Variants in TXNDC12 observed in about 807,000 individuals in gnomAD.
The protein encoded by TXNDC12 is thioredoxin domain-containing protein 12.
A neutral mutation model predicts 24.2 loss-of-function variants in TXNDC12; 22 were observed. The ratio of observed to expected loss-of-function variants is 0.91; its 90% CI spans 0.65 to 1.30. TXNDC12 has a LOEUF of 1.30. Among genes scored for constraint, TXNDC12 ranks in the 50% most tolerant of loss-of-function variants. The probability of loss-of-function intolerance (pLI) is 0.00; values close to 1 mark genes in which losing one functional copy is unlikely to be tolerated. For missense variants in TXNDC12, 184 were observed against 205.8 expected, an observed-to-expected ratio of 0.89 and a Z score of 0.65; for synonymous variants, 58 against 73.4, an observed-to-expected ratio of 0.79 and a Z score of 1.07.
Position 52,023,395 on chromosome 1 carries a change from T to A in TXNDC12, c.439+96A>T, listed in dbSNP as rs1261587234. On this transcript the variant is annotated intron_variant, in intron 6 of 6. Transcript: ENST00000371626. Reference sequence around the variant, plus strand: ...TATAGACATGCAGGAGATGCTCAGCTAACATGCTGAATTTACTTTCCTATC... The same window carrying A: ...TATAGACATGCAGGAGATGCTCAGCAAACATGCTGAATTTACTTTCCTATC... 8.2e-6 allele frequency: 8 copies of A among 971,108 alleles called. No homozygotes were observed. The East Asian group carries it at 2.0e-4, about 24-fold the overall frequency. 60.2% of individuals were successfully genotyped at this position (971,108 alleles called of 1,614,324 possible).
chr1:52,034,013 C>T, intron 2 of TXNDC12: 9 of 1,386,786 alleles, frequency 6.5e-6, no homozygotes, highest in Non-Finnish European at 8.4e-6. Context: ...TGTGATCTTC[C>T]TGCAGCGAAA....
intron 3 of TXNDC12, among the ~76,000 whole-genome samples, chr1:52,028,034 G>C (rs1329721275): frequency 2.0e-5 from 3 of 151,840 alleles, no homozygotes; most frequent in Non-Finnish European, 4.4e-5. Context: ...CACTATGTTG[G>C]GCAGGCTGGT....
intron 2 of TXNDC12, chr1:52,032,988 C>T (rs1283343602): frequency 6.4e-7 from 1 of 1,567,032 alleles, no homozygotes. Context: ...ACTGCGTAGA[C>T]TGATGGGGTG....
chr1:52,025,139 T>C (rs904671665), intron 4 of TXNDC12, among the ~76,000 whole-genome samples: 1 of 152,218 alleles, frequency 6.6e-6, no homozygotes, highest in Non-Finnish European at 1.5e-5. Context: ...CTTTAGTGCA[T>C]GAATCAATAA....
At chr1:52,027,145 G>A (rs1030064238) in intron 4 of TXNDC12, 130 bp downstream of exon 4, 15 of 607,314 alleles carry the variant, frequency 2.5e-5, no homozygotes, top group African/African-American at 1.7e-4. Context: ...TAGTATTAGC[G>A]GTCAAGAGAA....
At chr1:52,027,056 A>T (rs930991381) in intron 4 of TXNDC12, among the ~76,000 whole-genome samples, 4 of 151,976 alleles carry the variant, frequency 2.6e-5, no homozygotes, top group African/African-American at 9.7e-5. Flanking sequence ...AAATTTAGTC[A>T]TCTTATTCAA....
intron 2 of TXNDC12, 44 bp downstream of exon 2, chr1:52,041,491 GAA>G (rs769508513): frequency 2.1e-6 from 3 of 1,401,892 alleles, no homozygotes; most frequent in Admixed American, 1.8e-5. Flanking sequence ...GTTGATAGCT[GAA>G]AAGTGTTTTA....
chr1:52,032,617 G>C (rs1685784125), intron 2 of TXNDC12: 1 of 1,520,050 alleles, frequency 6.6e-7, no homozygotes, highest in Admixed American at 2.3e-5. Context: ...ATATGCTCTG[G>C]AGACCTGCAG....
chr1:52,036,289 A>G (rs1685881849), intron 2 of TXNDC12, among the ~76,000 whole-genome samples: 1 of 152,220 alleles, frequency 6.6e-6, no homozygotes. Flanking sequence ...TAAACTAGAG[A>G]AAAGAAAATG....
At chr1:52,039,333 A>AT (rs35253267) in intron 2 of TXNDC12, among the ~76,000 whole-genome samples, 1,787 of 145,870 alleles carry the variant, frequency 0.012, 48 homozygotes, top group African/African-American at 0.04. Context: ...TAAGAGATTA[A>AT]TTTTTTTTTT....
chr1:52,040,926 G>T (rs1359146002), intron 2 of TXNDC12, among the ~76,000 whole-genome samples: 1 of 152,002 alleles, frequency 6.6e-6, no homozygotes, highest in Non-Finnish European at 1.5e-5. Flanking sequence ...CAGCTACGTG[G>T]GAGGCTGAGG....
chr1:52,048,498 C>G (rs1355105869), intron 1 of TXNDC12, among the ~76,000 whole-genome samples: 1 of 150,002 alleles, frequency 6.7e-6, no homozygotes, highest in Admixed American at 6.6e-5. Context: ...AAAAGCATGC[C>G]TAAAACAGAA....
intron 2 of TXNDC12, chr1:52,032,881 G>A (rs746137002): frequency 6.2e-7 from 1 of 1,613,842 alleles, no homozygotes; most frequent in Non-Finnish European, 8.5e-7. Flanking sequence ...CAAGTCCCCG[G>A]GGACAGCGCT....
intron 2 of TXNDC12, among the ~76,000 whole-genome samples, chr1:52,037,776 G>A (rs557566907): frequency 8.5e-5 from 13 of 152,182 alleles, no homozygotes; most frequent in Non-Finnish European, 5.9e-5. Flanking sequence ...GACAAGGGCA[G>A]TTCTGATGAC....
intron 3 of TXNDC12, among the ~76,000 whole-genome samples, chr1:52,028,320 A>G (rs1402169264): frequency 6.6e-6 from 1 of 152,130 alleles, no homozygotes; most frequent in Non-Finnish European, 1.5e-5. Flanking sequence ...AGCTTCCTCT[A>G]ACATGTATTG....
At chr1:52,028,654 ATAATCTAG>A in intron 2 of TXNDC12, 24 bp from the exon 3 acceptor site, 1 of 1,552,694 alleles carries the variant, frequency 6.4e-7, no homozygotes, top group South Asian at 1.1e-5. Context: ...CAAAGAAATT[ATAATCTAG>A]TAATTCTACT....
At chr1:52,025,820 T>C (rs1330382467) in intron 4 of TXNDC12, among the ~76,000 whole-genome samples, 1 of 151,682 alleles carries the variant, frequency 6.6e-6, no homozygotes, top group African/African-American at 2.4e-5. Context: ...AAGTAAACAT[T>C]ATCTTTTTTT....
chr1:52,024,513 GA>G lies in TXNDC12; in HGVS notation c.351del (p.Leu118TrpfsTer34). On this transcript the variant is annotated frameshift_variant, in exon 5 of 7. Coordinates refer to ENST00000371626, the MANE Select transcript of TXNDC12 (RefSeq NM_015913.4). LOFTEE classifies it high-confidence loss of function. The part of the protein sequence containing the change: ...PDGGYIPRIL[F>X]LDPSGKVHPE... ...AGGTTAAGATCATGTGCCTTACCCA[GA>G]AAAAGGATTCGTGGAATATAACCCC... 2 of 1,612,024 alleles carry G rather than the reference GA, an allele frequency of 1.2e-6. No homozygotes were observed. The highest frequency in any genetic ancestry group is 1.1e-5 in the South Asian group (1 of 90,830).
At chr1:52,033,645 A>G in intron 2 of TXNDC12, 4 of 1,611,598 alleles carry the variant, frequency 2.5e-6, no homozygotes, top group Non-Finnish European at 3.4e-6. Flanking sequence ...CGCCCAGGAC[A>G]GCTGCGTCGT....
Sources: allele counts gnomAD v4.1 joint callset (sites outside exome capture counted in the v4.1 genomes callset), GRCh38; gene constraint gnomAD v4.1.1; transcripts MANE v1.5; gene names NCBI Gene and HGNC (gene_info 2026-07-23, HGNC 2026-07-21).